Variants in SORCS1 observed in about 807,000 individuals in gnomAD.
The protein encoded by SORCS1 is sortilin related VPS10 domain containing receptor 1.
In SORCS1, 60 loss-of-function variants were observed where a neutral mutation model predicts 146.1. That is an observed-to-expected ratio of 0.41 (90% CI 0.33 to 0.51). The LOEUF is 0.51. Ranked by LOEUF, SORCS1 falls within the 20% of genes least tolerant of loss-of-function variation. The pLI is 0.21. For synonymous variants in SORCS1, 637 were observed against 584.0 expected (o/e 1.09, Z -1.31); for missense variants, 1,352 against 1,487.6 (o/e 0.91, Z 1.50).
intron 9 of SORCS1, among the ~76,000 whole-genome samples, chr10:106,695,161 T>C (rs1456678592): frequency 1.3e-5 from 2 of 152,164 alleles, no homozygotes; most frequent in Non-Finnish European, 1.5e-5. Context: ...TCCAGGCTTT[T>C]CTTACACAAA....
chr10:106,672,474 T>C (rs188946146), intron 15 of SORCS1, among the ~76,000 whole-genome samples: 1 of 152,262 alleles, frequency 6.6e-6, no homozygotes, highest in African/African-American at 2.4e-5. Flanking sequence ...TCACCCAGCA[T>C]AATTTTGTTA....
the SORCS1 span, among the ~76,000 whole-genome samples, chr10:107,170,024 T>C: frequency 6.6e-6 from 1 of 152,146 alleles, no homozygotes; most frequent in Non-Finnish European, 1.5e-5. Context: ...TAAAGTGAAA[T>C]AGATAAAAAT....
chr10:107,175,469 G>A, the SORCS1 span, among the ~76,000 whole-genome samples: 2 of 151,732 alleles, frequency 1.3e-5, no homozygotes, highest in South Asian at 2.1e-4. Flanking sequence ...ATGGAATCTC[G>A]CTCTGTCACC....
chr10:106,885,701 C>T (rs753408571), intron 2 of SORCS1, among the ~76,000 whole-genome samples: 1 of 152,086 alleles, frequency 6.6e-6, no homozygotes, highest in Non-Finnish European at 1.5e-5. Flanking sequence ...TGTGTCCCCC[C>T]CCAAATCTCA....
chr10:106,629,417 T>C, intron 18 of SORCS1, 29 bp from the exon 19 acceptor site: 3 of 1,610,236 alleles, frequency 1.9e-6, no homozygotes, highest in South Asian at 2.2e-5. Context: ...TCAGAGGAAA[T>C]GAGTTAGTAT....
At chr10:107,036,524 G>A (rs372622324) in intron 1 of SORCS1, among the ~76,000 whole-genome samples, 4 of 152,126 alleles carry the variant, frequency 2.6e-5, no homozygotes, top group African/African-American at 4.8e-5. Context: ...TGATGACACT[G>A]GCATAAGTGA....
rs188748504 is a variant in SORCS1 at position 107,041,586 on chromosome 10, A to G, written c.559-85006T>C. Among the ~76,000 whole-genome samples, 104 of 152,160 alleles carry G rather than the reference A, an allele frequency of 6.8e-4. 2 individuals carry two copies. Among genetic ancestry groups the G allele is most frequent in the African/African-American group, 2.5e-3 (102 of 41,526 alleles). On this transcript the variant is annotated intron_variant, in intron 1 of 25. Transcript: ENST00000263054. ...GATTTTTAATTTGCAATTGAAATACACTCAAACTCCCAGTTTTTTTTCCTT... is the reference window on the plus strand; with the variant it reads ...GATTTTTAATTTGCAATTGAAATACGCTCAAACTCCCAGTTTTTTTTCCTT...
chr10:106,856,310 G>A (rs577624769), intron 2 of SORCS1, among the ~76,000 whole-genome samples: 19 of 152,228 alleles, frequency 1.2e-4, no homozygotes, highest in East Asian at 1.9e-4. Context: ...TACTACAGGC[G>A]TGAGCCACCC....
intron 25 of SORCS1, chr10:106,578,892 A>G (rs1395966751): frequency 6.4e-6 from 9 of 1,410,416 alleles, no homozygotes; most frequent in Middle Eastern, 2.6e-4. Context: ...ATGAGAGAAA[A>G]AAACTAGATA....
At chr10:107,093,232 CT>C (rs1964326636) in intron 1 of SORCS1, among the ~76,000 whole-genome samples, 1 of 152,188 alleles carries the variant, frequency 6.6e-6, no homozygotes, top group Admixed American at 6.5e-5. Context: ...CACATACACA[CT>C]TCGATTGACC....
At chr10:106,702,410 A>G (rs1057454685) in intron 8 of SORCS1, among the ~76,000 whole-genome samples, 2 of 152,216 alleles carry the variant, frequency 1.3e-5, no homozygotes, top group Non-Finnish European at 2.9e-5. Flanking sequence ...TGAACCTCTG[A>G]GTTTCTCACA....
At chr10:106,929,977 T>C (rs1953312826) in intron 2 of SORCS1, among the ~76,000 whole-genome samples, 1 of 152,238 alleles carries the variant, frequency 6.6e-6, no homozygotes, top group Non-Finnish European at 1.5e-5. Flanking sequence ...CCGGGCGCAG[T>C]GGCGCATGCC....
At chr10:106,839,143 A>C (rs1348782836) in intron 2 of SORCS1, among the ~76,000 whole-genome samples, 1 of 152,158 alleles carries the variant, frequency 6.6e-6, no homozygotes, top group Non-Finnish European at 1.5e-5. Context: ...GGGGAGCTGC[A>C]TTAAATAAAA....
intron 8 of SORCS1, among the ~76,000 whole-genome samples, chr10:106,705,649 C>T (rs977591670): frequency 1.3e-5 from 2 of 152,178 alleles, no homozygotes; most frequent in Non-Finnish European, 2.9e-5. Context: ...ATCTCCCTTG[C>T]TCTAAGATTA....
chr10:106,641,511 T>A (rs1385420623), intron 18 of SORCS1, among the ~76,000 whole-genome samples: 2 of 152,172 alleles, frequency 1.3e-5, no homozygotes, highest in African/African-American at 4.8e-5. Flanking sequence ...TAGGAAAGGA[T>A]TAAGGAAGAG....
intron 2 of SORCS1, among the ~76,000 whole-genome samples, chr10:106,955,444 C>T (rs181634089): frequency 1.9e-4 from 29 of 152,362 alleles, no homozygotes; most frequent in African/African-American, 6.7e-4. Context: ...GAGCTGAGTG[C>T]AGCCTGATGG....
chr10:106,855,575 A>G (rs1949755124), intron 2 of SORCS1, among the ~76,000 whole-genome samples: 1 of 151,800 alleles, frequency 6.6e-6, no homozygotes, highest in Non-Finnish European at 1.5e-5. Context: ...TTGCACTTCG[A>G]TGGTCTTTTT....
At chr10:106,596,689 G>A (rs1312170473) in intron 24 of SORCS1, among the ~76,000 whole-genome samples, 1 of 152,078 alleles carries the variant, frequency 6.6e-6, no homozygotes, top group African/African-American at 2.4e-5. Context: ...ATCCTGAAAC[G>A]TAAAGAAAGA....
At chr10:107,011,427 C>T (rs1957691603) in intron 1 of SORCS1, among the ~76,000 whole-genome samples, 1 of 152,180 alleles carries the variant, frequency 6.6e-6, no homozygotes, top group Non-Finnish European at 1.5e-5. Flanking sequence ...TGTCTCCAGA[C>T]AAATTCATGC....
Sources: gnomAD v4.1 joint callset for allele counts (sites outside exome capture counted in the v4.1 genomes callset) on GRCh38, gnomAD v4.1.1 for gene constraint, MANE v1.5 for transcripts, NCBI Gene and HGNC (gene_info 2026-07-23, HGNC 2026-07-21) for gene names.